The following IGSF21 variants were observed in gnomAD, a reference collection of about 807,000 sequenced individuals.
IGSF21 encodes the protein immunoglobin superfamily member 21, also known as immunoglobulin superfamily member 21.
A neutral mutation model predicts 46.8 loss-of-function variants in IGSF21; 28 were observed. That is an observed-to-expected ratio of 0.60 (90% CI 0.44 to 0.82). The LOEUF is 0.82. Among genes scored for constraint, IGSF21 ranks in the 40% least tolerant of loss-of-function variants. The pLI, the probability that IGSF21 is intolerant of heterozygous loss-of-function variation, is 0.00. For synonymous variants in IGSF21, 284 were observed against 273.6 expected, an observed-to-expected ratio of 1.04 and a Z score of -0.38; for missense variants, 624 against 665.5, an observed-to-expected ratio of 0.94 and a Z score of 0.69.
chr1:18,374,583 G>A lies in IGSF21; in HGVS notation c.1016-1727G>A, dbSNP rs140386470. 5.5e-3 allele frequency among the ~76,000 whole-genome samples: 842 copies of A among 151,946 alleles called. 3 individuals carry two copies. Among genetic ancestry groups the A allele is most frequent in the Non-Finnish European group, 9.8e-3 (668 of 68,014 alleles). Reference sequence around the variant, plus strand: ...TAGAACCAGCCCTTCCCTTCCCAGCGATTCCCTCTCCTTGGTGCAAGCCCT... The same window carrying A: ...TAGAACCAGCCCTTCCCTTCCCAGCAATTCCCTCTCCTTGGTGCAAGCCCT... On this transcript the variant is annotated intron_variant, in intron 6 of 9. Transcript: ENST00000251296.
intron 2 of IGSF21, among the ~76,000 whole-genome samples, chr1:18,265,846 G>T (rs1031578398): frequency 5.3e-5 from 8 of 152,214 alleles, no homozygotes; most frequent in African/African-American, 1.9e-4. Context: ...CTGAGGAGCG[G>T]GCAAGGTGCA....
At chr1:18,302,338 C>T (rs1195243535) in intron 3 of IGSF21, among the ~76,000 whole-genome samples, 1 of 152,150 alleles carries the variant, frequency 6.6e-6, no homozygotes, top group Non-Finnish European at 1.5e-5. Context: ...ACTGTCTCCA[C>T]CAAGGCCATG....
intron 1 of IGSF21, among the ~76,000 whole-genome samples, chr1:18,125,640 GT>G (rs1292931142): frequency 6.6e-6 from 1 of 152,238 alleles, no homozygotes; most frequent in Non-Finnish European, 1.5e-5. Context: ...CCCCTGCTAT[GT>G]TCCAGATAGT....
At chr1:18,200,883 C>G (rs1166137196) in intron 1 of IGSF21, among the ~76,000 whole-genome samples, 1 of 152,156 alleles carries the variant, frequency 6.6e-6, no homozygotes, top group Admixed American at 6.6e-5. Flanking sequence ...TTACCCCAGC[C>G]CCATGAGGAG....
At chr1:18,173,242 C>T (rs537377543) in intron 1 of IGSF21, among the ~76,000 whole-genome samples, 2 of 152,228 alleles carry the variant, frequency 1.3e-5, no homozygotes, top group East Asian at 1.9e-4. Context: ...GAGCTGAGAT[C>T]ACACCACTGC....
At chr1:18,250,098 G>GCTCCCTCCCTCCCTCC (rs781326742) in intron 2 of IGSF21, among the ~76,000 whole-genome samples, 38 of 59,878 alleles carry the variant, frequency 6.3e-4, no homozygotes, top group African/African-American at 2.7e-3. Context: ...TCCCTCCCTC[G>GCTCCCTCCCTCCCTCC]CTCCCTCCCT....
chr1:18,358,748 C>T (rs867120703), intron 4 of IGSF21, among the ~76,000 whole-genome samples: 20 of 152,224 alleles, frequency 1.3e-4, no homozygotes, highest in Admixed American at 5.9e-4. Flanking sequence ...TTCCATTTTT[C>T]AGATCAGGAA....
chr1:18,188,788 CAGTTGA>C (rs2086927945), intron 1 of IGSF21, among the ~76,000 whole-genome samples: 1 of 152,206 alleles, frequency 6.6e-6, no homozygotes, highest in African/African-American at 2.4e-5. Context: ...GAAGCAAAGT[CAGTTGA>C]TCAAGGACTC....
In IGSF21 at chr1:18,337,844, C is replaced by T. The variant is rs948949667; in HGVS notation, c.424+2834C>T. Among the ~76,000 whole-genome samples the T allele has an allele frequency of 5.3e-5, 8 of 152,156 alleles. No homozygotes were observed. Among genetic ancestry groups the T allele is most frequent in the African/African-American group, 1.9e-4 (8 of 41,432 alleles). ...TCGGCGCGTGGGGGATTACTATTAT[C>T]TCTAACTCACAGATGAAGAGACTGA... On this transcript the variant is annotated intron_variant, in intron 4 of 9. Coordinates refer to ENST00000251296, the MANE Select transcript of IGSF21 (RefSeq NM_032880.5). The surrounding 1 kb of genome is among the most constrained non-coding windows in gnomAD (Gnocchi z 5.7).
intron 5 of IGSF21, among the ~76,000 whole-genome samples, chr1:18,362,662 C>T (rs1303829699): frequency 6.6e-6 from 1 of 152,234 alleles, no homozygotes; most frequent in African/African-American, 2.4e-5. Context: ...CACTGGCATT[C>T]CCAGGAGCCC....
At chr1:18,249,992 G>A (rs1323504306) in intron 2 of IGSF21, among the ~76,000 whole-genome samples, 1 of 152,010 alleles carries the variant, frequency 6.6e-6, no homozygotes, top group Non-Finnish European at 1.5e-5. Context: ...GGACACGGAG[G>A]AGGCAGTTGG....
At position 18,290,374 on chromosome 1, in the gene IGSF21, G is replaced by C. The variant is rs1286810534; in HGVS notation, c.184-1492G>C. On this transcript the variant is annotated intron_variant, in intron 2 of 9. Coordinates refer to ENST00000251296, the MANE Select transcript of IGSF21 (RefSeq NM_032880.5). The surrounding 1 kb of genome is among the most constrained non-coding windows in gnomAD (Gnocchi z 4.2). Reference sequence around the variant, plus strand: ...GTCCCGACAGAGATAGGAGGGGTGTGGGCTTACGGAGGGGTAAGGAGAAGC... The same window carrying C: ...GTCCCGACAGAGATAGGAGGGGTGTCGGCTTACGGAGGGGTAAGGAGAAGC... 6.6e-6 allele frequency among the ~76,000 whole-genome samples: 1 copy of C among 152,164 alleles called. No individual in the cohort carries two copies. Among genetic ancestry groups the C allele is most frequent in the Non-Finnish European group, 1.5e-5 (1 of 68,020 alleles).
chr1:18,331,039 G>T (rs750599519), intron 3 of IGSF21, among the ~76,000 whole-genome samples: 1 of 152,074 alleles, frequency 6.6e-6, no homozygotes, highest in Non-Finnish European at 1.5e-5. Flanking sequence ...TATTTTTATC[G>T]AATTGATATT....
At chr1:18,225,085 T>TCACACACACACACACA (rs529286231) in intron 1 of IGSF21, among the ~76,000 whole-genome samples, 51 of 51,586 alleles carry the variant, frequency 9.9e-4, no homozygotes, top group South Asian at 3.8e-3. Flanking sequence ...TCTCTCTCTC[T>TCACACACACACACACA]CACACACACA....
chr1:18,354,702 C>T (rs998808343), intron 4 of IGSF21, among the ~76,000 whole-genome samples: 3 of 152,030 alleles, frequency 2.0e-5, no homozygotes, highest in Non-Finnish European at 2.9e-5. Context: ...TAAGCACCTT[C>T]GTAGAGTGGT....
intron 1 of IGSF21, among the ~76,000 whole-genome samples, chr1:18,197,154 G>A (rs910745011): frequency 2.0e-5 from 3 of 152,192 alleles, no homozygotes; most frequent in East Asian, 3.8e-4. Flanking sequence ...CGGGTGTCTC[G>A]ATGCGAGGAA....
At chr1:18,122,193 C>CTTTTTTTTTTTTTTTTTTTTTT (rs766563472) in intron 1 of IGSF21, among the ~76,000 whole-genome samples, 2 of 78,760 alleles carry the variant, frequency 2.5e-5, no homozygotes, top group African/African-American at 4.7e-5. Flanking sequence ...TTCTTTCTTT[C>CTTTTTTTTTTTTTTTTTTTTTT]TTTTTTTTTT....
Position 18,300,137 on chromosome 1 carries a change from G to A in IGSF21, c.305+8150G>A, listed in dbSNP as rs193143906. 3.5e-3 allele frequency among the ~76,000 whole-genome samples: 532 copies of A among 152,302 alleles called. 8 individuals carry two copies. Among genetic ancestry groups the A allele is most frequent in the Non-Finnish European group, 1.2e-3 (84 of 68,028 alleles). ...CTGGTGGTGTCTATACCACAGGCCA[G>A]CTCACTGACTGCCTGCATCAGGATC... is the stretch of plus-strand genomic sequence containing the variant. On this transcript the variant is annotated intron_variant, in intron 3 of 9. Transcript: ENST00000251296.
At chr1:18,258,261 G>A (rs1271902567) in intron 2 of IGSF21, among the ~76,000 whole-genome samples, 1 of 152,136 alleles carries the variant, frequency 6.6e-6, no homozygotes. Flanking sequence ...GGGGTGTTTG[G>A]GGATTAAAGG....
Sources: gnomAD v4.1 joint callset for allele counts (sites outside exome capture counted in the v4.1 genomes callset) on GRCh38, gnomAD v4.1.1 for gene constraint, Gnocchi (gnomAD v3.1) non-coding constraint, MANE v1.5 for transcripts, NCBI Gene and HGNC (gene_info 2026-07-23, HGNC 2026-07-21) for gene names.